NCOA7: variants seen among roughly 807,000 people sequenced by gnomAD.
NCOA7 encodes nuclear receptor coactivator 7, also known as 140 kDa estrogen receptor-associated protein.
A neutral mutation model predicts 104.3 loss-of-function variants in NCOA7; 45 were observed. The observed-to-expected ratio is 0.43, with a 90% CI of 0.34 to 0.55. The LOEUF (loss-of-function observed/expected upper bound fraction) is 0.55. Ranked by LOEUF, NCOA7 falls within the 20% of genes least tolerant of loss-of-function variation. The probability of loss-of-function intolerance (pLI) is 0.02; values close to 1 mark genes in which losing one functional copy is unlikely to be tolerated. For synonymous variants in NCOA7, 398 were observed against 402.3 expected, an observed-to-expected ratio of 0.99 and a Z score of 0.13; for missense variants, 1,041 against 1,119.7, an observed-to-expected ratio of 0.93 and a Z score of 1.00.
chr6:125,782,519 C>T (rs1583202296), intron 1 of NCOA7, among the ~76,000 whole-genome samples: 1 of 152,174 alleles, frequency 6.6e-6, no homozygotes, highest in Non-Finnish European at 1.5e-5. Flanking sequence ...CTAGGCTACA[C>T]TCTTGGATTA....
At chr6:125,850,293 CAA>C (rs1338461540) in intron 2 of NCOA7, among the ~76,000 whole-genome samples, 1 of 152,108 alleles carries the variant, frequency 6.6e-6, no homozygotes, top group Non-Finnish European at 1.5e-5. Flanking sequence ...TCCAGAGAAA[CAA>C]AGTCTCATGA....
intron 11 of NCOA7, among the ~76,000 whole-genome samples, chr6:125,916,445 A>G (rs759791533): frequency 4.6e-5 from 7 of 152,200 alleles, no homozygotes; most frequent in Non-Finnish European, 1.5e-5. Context: ...TGTATCAAGT[A>G]CTTCTTTAGG....
chr6:125,881,718 T>C (rs1284575833), intron 6 of NCOA7, among the ~76,000 whole-genome samples: 1 of 150,446 alleles, frequency 6.6e-6, no homozygotes, highest in Non-Finnish European at 1.5e-5. Context: ...TGTGTAAAAG[T>C]ATGAAGTTAA....
intron 2 of NCOA7, among the ~76,000 whole-genome samples, chr6:125,822,037 C>G (rs1324655396): frequency 6.6e-6 from 1 of 152,084 alleles, no homozygotes. Flanking sequence ...TGTGCCAGTG[C>G]CAAGAATGAT....
At chr6:125,926,981 C>T (rs1385124099) in intron 13 of NCOA7, among the ~76,000 whole-genome samples, 4 of 152,132 alleles carry the variant, frequency 2.6e-5, no homozygotes, top group African/African-American at 9.7e-5. Flanking sequence ...CCCCTTCCAT[C>T]CCCCGATAAG....
intron 2 of NCOA7, among the ~76,000 whole-genome samples, chr6:125,825,078 C>T (rs888855615): frequency 6.6e-6 from 1 of 151,000 alleles, no homozygotes; most frequent in Non-Finnish European, 1.5e-5. Context: ...TGGCTCACAC[C>T]TGTAATCCCA....
At chr6:125,908,057 T>C (rs1308169456) in intron 10 of NCOA7, among the ~76,000 whole-genome samples, 1 of 152,152 alleles carries the variant, frequency 6.6e-6, no homozygotes, top group Non-Finnish European at 1.5e-5. Flanking sequence ...TGCTGCAAAA[T>C]AGTCCACTCT....
chr6:125,786,049 T>G (rs1774450258), upstream of NCOA7: 1 of 152,226 alleles, frequency 6.6e-6, no homozygotes, highest in South Asian at 2.1e-4. Context: ...ATTATCATAA[T>G]TAACCAGTAG....
chr6:125,928,088 T>C, intron 14 of NCOA7, 86 bp from the exon 15 acceptor site: 1 of 1,276,930 alleles, frequency 7.8e-7, no homozygotes, highest in Non-Finnish European at 1.1e-6. Flanking sequence ...TGGTTCCCTT[T>C]TACATATAGA....
At chr6:125,812,382 T>C (rs994097921) in intron 1 of NCOA7, among the ~76,000 whole-genome samples, 17 of 152,214 alleles carry the variant, frequency 1.1e-4, no homozygotes, top group African/African-American at 3.6e-4. Context: ...CCCAAGTTAC[T>C]ACCCTACAGT....
intron 12 of NCOA7, among the ~76,000 whole-genome samples, chr6:125,921,624 T>G (rs1787594406): frequency 6.6e-6 from 1 of 152,132 alleles, no homozygotes; most frequent in Admixed American, 6.5e-5. Flanking sequence ...AAAAGCCATT[T>G]CTAATCTTAA....
intron 10 of NCOA7, among the ~76,000 whole-genome samples, chr6:125,892,108 G>A (rs577117406): frequency 3.6e-4 from 55 of 152,222 alleles, no homozygotes; most frequent in African/African-American, 1.1e-3. Context: ...AAAACAAAGC[G>A]CTGAAACTTT....
At chr6:125,885,394 A>G (rs1784173773) in intron 8 of NCOA7, 51 bp downstream of exon 8, 2 of 1,575,336 alleles carry the variant, frequency 1.3e-6, no homozygotes, top group Non-Finnish European at 8.7e-7. Context: ...AGAGAGCTAA[A>G]TGTAGCTTAA....
chr6:125,894,102 A>G lies in NCOA7; in HGVS notation c.2096+3292A>G, dbSNP rs568034384. On this transcript the variant is annotated intron_variant, in intron 10 of 15. Transcript: ENST00000392477. ...GACAATGTTCCACCATATTTTAATC[A>G]TCTAGTACAAAATTTCTCAACCTTA... 5.3e-5 allele frequency among the ~76,000 whole-genome samples: 8 copies of G among 150,854 alleles called. No individual in the cohort carries two copies. In the South Asian group the frequency reaches 1.7e-3, roughly 31 times the overall value.
At chr6:125,852,056 ATTTCTT>A (rs1781177356) in intron 2 of NCOA7, among the ~76,000 whole-genome samples, 1 of 151,658 alleles carries the variant, frequency 6.6e-6, no homozygotes, top group African/African-American at 2.4e-5. Flanking sequence ...TACTCTCATG[ATTTCTT>A]TTTCTTTTTG....
intron 10 of NCOA7, among the ~76,000 whole-genome samples, chr6:125,903,346 A>G (rs1785670672): frequency 6.6e-6 from 1 of 152,162 alleles, no homozygotes; most frequent in South Asian, 2.1e-4. Flanking sequence ...TCCTGCCTGG[A>G]TCACCATTGC....
intron 3 of NCOA7, among the ~76,000 whole-genome samples, chr6:125,866,210 T>G (rs1003486956): frequency 1.1e-4 from 16 of 151,552 alleles, no homozygotes; most frequent in African/African-American, 3.9e-4. Context: ...ATGCCTGTAA[T>G]CCCAGCTGTT....
upstream of NCOA7, chr6:125,786,010 A>C (rs546821749): frequency 2.6e-5 from 4 of 152,310 alleles, no homozygotes; most frequent in East Asian, 1.9e-4. Context: ...CCACAAAAGG[A>C]CACTTACATT....
At chr6:125,903,805 A>G (rs186627379) in intron 10 of NCOA7, among the ~76,000 whole-genome samples, 47 of 151,614 alleles carry the variant, frequency 3.1e-4, no homozygotes, top group African/African-American at 1.1e-3. Flanking sequence ...TCCTGGGTTC[A>G]AGCAATTCTT....
Sources: allele counts gnomAD v4.1 joint callset (sites outside exome capture counted in the v4.1 genomes callset), GRCh38; gene constraint gnomAD v4.1.1; transcripts MANE v1.5; gene names NCBI Gene and HGNC (gene_info 2026-07-23, HGNC 2026-07-21).